The following ARB2A variants were observed in gnomAD, a reference collection of about 807,000 sequenced individuals.
ARB2A encodes the protein cotranscriptional regulator ARB2A.
chr5:93,842,609 A>G, the ARB2A span, among the ~76,000 whole-genome samples: 1 of 152,200 alleles, frequency 6.6e-6, no homozygotes, highest in African/African-American at 2.4e-5. Context: ...GAAGAGTGGT[A>G]ACTAATTTAG....
the ARB2A span, among the ~76,000 whole-genome samples, chr5:94,047,419 G>C: frequency 6.6e-6 from 1 of 151,534 alleles, no homozygotes; most frequent in Admixed American, 6.6e-5. Flanking sequence ...TTGAACCCAG[G>C]AAGTGGAGGT....
the ARB2A span, among the ~76,000 whole-genome samples, chr5:93,858,961 G>C: frequency 7.1e-4 from 108 of 152,240 alleles, no homozygotes; most frequent in African/African-American, 2.6e-3. Context: ...GAGGAAGGAA[G>C]AGGATAGAAG....
At chr5:93,667,162 T>C in the ARB2A span, among the ~76,000 whole-genome samples, 1 of 152,200 alleles carries the variant, frequency 6.6e-6, no homozygotes, top group African/African-American at 2.4e-5. Flanking sequence ...CCTCTCTGCC[T>C]TTATGAGGTT....
the ARB2A span, among the ~76,000 whole-genome samples, chr5:93,772,726 G>A: frequency 6.6e-6 from 1 of 152,256 alleles, no homozygotes; most frequent in Admixed American, 6.5e-5. Flanking sequence ...CACTCACATG[G>A]CTGTTGGTGG....
At chr5:93,676,665 A>G in the ARB2A span, among the ~76,000 whole-genome samples, 1 of 152,228 alleles carries the variant, frequency 6.6e-6, no homozygotes, top group Non-Finnish European at 1.5e-5. Flanking sequence ...TGAACTCCTA[A>G]GACCTTTTCA....
chr5:93,661,498 G>A, the ARB2A span, among the ~76,000 whole-genome samples: 1 of 152,082 alleles, frequency 6.6e-6, no homozygotes, highest in South Asian at 2.1e-4. Context: ...CACAGCTGTT[G>A]AAACCAGGAA....
chr5:93,869,013 G>A, the ARB2A span, among the ~76,000 whole-genome samples: 1 of 152,150 alleles, frequency 6.6e-6, no homozygotes, highest in African/African-American at 2.4e-5. Context: ...ACCTGGTGTA[G>A]CGGGAAAAAC....
the ARB2A span, among the ~76,000 whole-genome samples, chr5:93,715,126 T>C: frequency 1.6e-4 from 25 of 152,330 alleles, no homozygotes; most frequent in East Asian, 4.8e-3. Context: ...ACATTACAAC[T>C]ACTTTTGTGA....
At chr5:93,893,285 T>C in the ARB2A span, among the ~76,000 whole-genome samples, 1 of 152,120 alleles carries the variant, frequency 6.6e-6, no homozygotes, top group Non-Finnish European at 1.5e-5. Context: ...GGCTTTATGA[T>C]GAAATACAAA....
the ARB2A span, among the ~76,000 whole-genome samples, chr5:93,839,866 G>A: frequency 1.3e-5 from 2 of 152,014 alleles, no homozygotes; most frequent in South Asian, 2.1e-4. Flanking sequence ...GGGGTTGGGG[G>A]TAATGTCCCC....
At chr5:93,645,014 C>G in the ARB2A span, among the ~76,000 whole-genome samples, 28 of 152,304 alleles carry the variant, frequency 1.8e-4, no homozygotes, top group African/African-American at 6.3e-4. Context: ...AAAAGAGCCT[C>G]AAGCTCAATG....
the ARB2A span, among the ~76,000 whole-genome samples, chr5:93,688,910 T>A: frequency 6.6e-6 from 1 of 152,204 alleles, no homozygotes; most frequent in Non-Finnish European, 1.5e-5. Context: ...TCATCATGAT[T>A]TAACCAGCCT....
chr5:93,908,698 G>C, the ARB2A span, among the ~76,000 whole-genome samples: 2 of 150,466 alleles, frequency 1.3e-5, no homozygotes, highest in Non-Finnish European at 3.0e-5. Flanking sequence ...TTTCTACAAA[G>C]GTTACTTTCA....
the ARB2A span, among the ~76,000 whole-genome samples, chr5:94,058,147 T>C: frequency 5.3e-5 from 8 of 151,832 alleles, no homozygotes; most frequent in Middle Eastern, 3.4e-3. Context: ...AACTGTCATA[T>C]CAAAGATTAA....
the ARB2A span, among the ~76,000 whole-genome samples, chr5:93,858,861 G>A: frequency 1.3e-5 from 2 of 152,040 alleles, no homozygotes; most frequent in African/African-American, 4.8e-5. Flanking sequence ...AGAAATTAGG[G>A]GAAAGAAGAG....
the ARB2A span, among the ~76,000 whole-genome samples, chr5:94,109,639 G>A: frequency 6.6e-6 from 1 of 152,154 alleles, no homozygotes; most frequent in South Asian, 2.1e-4. Flanking sequence ...TCTTGAGATT[G>A]TTAAGTACTG....
At chr5:93,806,177 G>A in the ARB2A span, among the ~76,000 whole-genome samples, 148 of 151,972 alleles carry the variant, frequency 9.7e-4, 2 homozygotes, top group African/African-American at 3.5e-3. Flanking sequence ...AAGTTGCAAC[G>A]TAATATCTGT....
chr5:93,933,194 A>T, the ARB2A span, among the ~76,000 whole-genome samples: 16 of 152,188 alleles, frequency 1.1e-4, no homozygotes, highest in African/African-American at 3.4e-4. Context: ...ACACTTTTAA[A>T]CTGTTGGTGG....
At chr5:93,909,179 G>T in the ARB2A span, among the ~76,000 whole-genome samples, 1 of 150,938 alleles carries the variant, frequency 6.6e-6, no homozygotes, top group Admixed American at 6.6e-5. Context: ...ATCACAAGAA[G>T]TTATTTGCTA....
Sources: allele counts gnomAD v4.1 joint callset (sites outside exome capture counted in the v4.1 genomes callset), GRCh38; gene constraint gnomAD v4.1.1; transcripts MANE v1.5; gene names NCBI Gene and HGNC (gene_info 2026-07-23, HGNC 2026-07-21).